The following DIDO1 variants were observed in gnomAD, a reference collection of about 807,000 sequenced individuals.
The protein encoded by DIDO1 is death-inducer obliterator 1.
Under a neutral mutation model 99.4 loss-of-function variants are expected in DIDO1, and 16 were observed. The observed-to-expected ratio is 0.16, with a 90% confidence interval of 0.11 to 0.24. The LOEUF (loss-of-function observed/expected upper bound fraction) is 0.24. Ranked by LOEUF, DIDO1 falls within the 10% of genes least tolerant of loss-of-function variation. The pLI, the probability that DIDO1 is intolerant of heterozygous loss-of-function variation, is 1.00. For synonymous variants in DIDO1, 1,366 were observed against 1,239.1 expected, an observed-to-expected ratio of 1.10 and a Z score of -2.15; for missense variants, 2,996 against 3,014.0, an observed-to-expected ratio of 0.99 and a Z score of 0.14.
At chr20:62,932,485 C>CT (rs1319947848) in intron 1 of DIDO1, among the ~76,000 whole-genome samples, 1 of 152,192 alleles carries the variant, frequency 6.6e-6, no homozygotes, top group Admixed American at 6.5e-5. Flanking sequence ...CAGTAACTGT[C>CT]TATCAAATCC....
rs2064578967 is a variant in DIDO1 at position 62,898,127 on chromosome 20, G to A, written c.1589-1131C>T. On this transcript the variant is annotated intron_variant, in intron 6 of 15. Coordinates refer to ENST00000395343, the MANE Select transcript of DIDO1 (RefSeq NM_001193369.2). Reference sequence around the variant, plus strand: ...CAAGAGCGCTTCAGTTCTACCCAGGGACTGAAAATCAAACCGCACTCCTCC... The same window carrying A: ...CAAGAGCGCTTCAGTTCTACCCAGGAACTGAAAATCAAACCGCACTCCTCC... 2.0e-5 allele frequency among the ~76,000 whole-genome samples: 3 copies of A among 152,184 alleles called. No individual in the cohort carries two copies. In the South Asian group the frequency reaches 6.2e-4, roughly 32 times the overall value.
Position 62,879,793 on chromosome 20 carries a change from G to T in DIDO1, c.6163C>A (p.Pro2055Thr). The change falls in exon 16 of 16, where the codon CCC becomes ACC. Residue 2055 changes from proline (P) to threonine (T), a missense_variant. Physicochemically the swap from Pro to Thr is conservative, Grantham distance 38. This residue lies in a region of DIDO1 where 1,562 missense variants were observed against 1,412.6 expected (regional missense o/e 1.11). Transcript: ENST00000395343. The surrounding 1 kb of genome is among the most constrained non-coding windows in gnomAD (Gnocchi z 6.3). ...GPPSALSSSA[P>T]GQGPEADGQW... is the part of the protein sequence containing the mutation. ...CCGTCGGCCTCGGGGCCCTGTCCGGGCGCACTGGAGGAGAGCGCGGAGGGC... is the reference window on the plus strand; with the variant it reads ...CCGTCGGCCTCGGGGCCCTGTCCGGTCGCACTGGAGGAGAGCGCGGAGGGC... 1.2e-6 allele frequency: 2 copies of T among 1,611,184 alleles called. No homozygotes were observed. Among genetic ancestry groups the T allele is most frequent in the Non-Finnish European group, 1.7e-6 (2 of 1,179,702 alleles).
chr20:62,919,914 C>G (rs143310540), intron 1 of DIDO1, among the ~76,000 whole-genome samples: 1 of 152,192 alleles, frequency 6.6e-6, no homozygotes, highest in Non-Finnish European at 1.5e-5. Flanking sequence ...AATCATTTAT[C>G]GAGGTGAAGG....
intron 15 of DIDO1, chr20:62,888,716 C>G (rs1157986143): frequency 1.0e-6 from 1 of 985,368 alleles, no homozygotes; most frequent in Admixed American, 6.1e-5. Context: ...CCAGGACACA[C>G]ATGTACATGT....
At chr20:62,888,465 G>A in intron 15 of DIDO1, 1 of 985,522 alleles carries the variant, frequency 1.0e-6, no homozygotes, top group Non-Finnish European at 1.2e-6. Context: ...GGGTCCTGCA[G>A]ACCCTCACCC....
At chr20:62,920,714 T>G (rs1390528877) in intron 1 of DIDO1, among the ~76,000 whole-genome samples, 1 of 152,192 alleles carries the variant, frequency 6.6e-6, no homozygotes, top group Non-Finnish European at 1.5e-5. Context: ...CCACTCTGAG[T>G]ATATGCTAGA....
At chr20:62,889,287 T>C (rs543830355) in intron 15 of DIDO1, 1 of 985,500 alleles carries the variant, frequency 1.0e-6, no homozygotes, top group Non-Finnish European at 1.2e-6. Flanking sequence ...GCCGCTCCTC[T>C]GGTGGCCTCC....
chr20:62,923,673 A>T (rs1601035450), intron 1 of DIDO1, among the ~76,000 whole-genome samples: 1 of 152,222 alleles, frequency 6.6e-6, no homozygotes, highest in Non-Finnish European at 1.5e-5. Flanking sequence ...CTATTTTTAC[A>T]TAATGTTTAA....
intron 6 of DIDO1, chr20:62,905,654 A>C: frequency 6.3e-7 from 1 of 1,579,664 alleles, no homozygotes; most frequent in South Asian, 1.1e-5. Flanking sequence ...AACGTTCACC[A>C]GTGAGGTTTA....
In DIDO1 at chr20:62,911,555, T is replaced by C; in HGVS notation, c.58A>G (p.Ser20Gly). The change falls in exon 3 of 16, where the codon AGC becomes GGC. Residue 20 changes from serine (S) to glycine (G), a missense_variant. Ser to Gly is a moderately conservative substitution (Grantham distance 56). This residue lies in a region of DIDO1 where 388 missense variants were observed against 376.6 expected (regional missense o/e 1.03). Coordinates refer to ENST00000395343, the MANE Select transcript of DIDO1 (RefSeq NM_001193369.2). This position sits in a 1 kb window ranked among gnomAD's most constrained non-coding sequence, Gnocchi z 7.0. ...CCCCATGTTTTCCTGAACTCTTTGCTGGTGGGTTTGATGGCCTTAGGTGCC... is the reference window on the plus strand; with the variant it reads ...CCCCATGTTTTCCTGAACTCTTTGCCGGTGGGTTTGATGGCCTTAGGTGCC... The part of the protein sequence containing the change: ...EEAPKAIKPT[S>G]KEFRKTWGFR... The C allele has an allele frequency of 6.2e-7, 1 of 1,610,916 alleles. No individual in the cohort carries two copies. Among genetic ancestry groups the C allele is most frequent in the Non-Finnish European group, 8.5e-7 (1 of 1,178,388 alleles).
In DIDO1 at chr20:62,896,898, G is replaced by A. The variant is rs748688216; in HGVS notation, c.1687C>T (p.Pro563Ser). The change falls in exon 7 of 16, where the codon CCT (proline) becomes TCT (serine). Residue 563 changes from proline to serine, a missense_variant. By Grantham distance (74) the Pro-to-Ser change is moderately conservative. Around this residue, in one of 5 missense-constraint regions of DIDO1, gnomAD observed 898 missense variants for 972.7 expected, o/e 0.92. Coordinates refer to ENST00000395343, the MANE Select transcript of DIDO1 (RefSeq NM_001193369.2). This position sits in a 1 kb window ranked among gnomAD's most constrained non-coding sequence, Gnocchi z 4.4. Reference sequence around the variant, plus strand: ...GACTTCTTTGGCACGAGGTTTCTAGGTGCAGGCTGCTTGCCCACCGCGGAG... The same window carrying A: ...GACTTCTTTGGCACGAGGTTTCTAGATGCAGGCTGCTTGCCCACCGCGGAG... Reference protein sequence around the residue: ...PGSAVGKQPAPRNLVPKKSSF... With the variant: ...PGSAVGKQPASRNLVPKKSSF... 6.8e-6 allele frequency: 11 copies of A among 1,614,024 alleles called. No homozygotes were observed. The South Asian group carries it at 1.1e-4, about 16-fold the overall frequency.
intron 6 of DIDO1, among the ~76,000 whole-genome samples, chr20:62,903,717 C>T (rs990823911): frequency 6.6e-6 from 1 of 152,164 alleles, no homozygotes; most frequent in African/African-American, 2.4e-5. Flanking sequence ...GTGTGTCGTC[C>T]CCATTCCCAT....
At chr20:62,887,047 C>T (rs1488365619) in intron 15 of DIDO1, among the ~76,000 whole-genome samples, 3 of 152,228 alleles carry the variant, frequency 2.0e-5, no homozygotes, top group Non-Finnish European at 4.4e-5. Flanking sequence ...CGAGAAGGGC[C>T]CCAGGGCAGC....
At position 62,896,390 on chromosome 20, in the gene DIDO1, A is replaced by G; in HGVS notation, c.2057T>C (p.Val686Ala). The G allele has an allele frequency of 6.2e-7, 1 of 1,611,276 alleles. No homozygotes were observed. Among genetic ancestry groups the G allele is most frequent in the South Asian group, 1.1e-5 (1 of 90,650 alleles). The stretch of plus-strand genomic sequence containing the variant: ...CATGATTAAGTCATCGCTGTCATTG[A>G]CTCTGAACAGAATAAAAAAAAGGAA... ...RSLKEILWKR[V>A]NDSDDLIMTE... Residue 686 changes from valine to alanine, a missense_variant and splice_region_variant, in exon 8 of 16, where the codon GTC (valine) becomes GCC (alanine). Val to Ala is a moderately conservative substitution (Grantham distance 64). Around this residue, in one of 5 missense-constraint regions of DIDO1, gnomAD observed 898 missense variants for 972.7 expected, o/e 0.92. Transcript: ENST00000395343. This position sits in a 1 kb window ranked among gnomAD's most constrained non-coding sequence, Gnocchi z 4.4.
At chr20:62,890,398 A>C (rs1217763183) in intron 15 of DIDO1, 7 of 988,878 alleles carry the variant, frequency 7.1e-6, no homozygotes, top group Non-Finnish European at 8.4e-6. Flanking sequence ...AATCGTTTAA[A>C]TACAGTACTT....
chr20:62,918,801 AG>A (rs2065083593), intron 1 of DIDO1, among the ~76,000 whole-genome samples: 1 of 150,316 alleles, frequency 6.7e-6, no homozygotes, highest in East Asian at 2.0e-4. Context: ...TTGCCTATTA[AG>A]GGTCTCCTGG....
chr20:62,917,984 TAGG>T (rs1242054124), intron 1 of DIDO1, among the ~76,000 whole-genome samples: 1 of 152,208 alleles, frequency 6.6e-6, no homozygotes, highest in Non-Finnish European at 1.5e-5. Flanking sequence ...TCTACCAGTT[TAGG>T]AGTACACTGG....
intron 15 of DIDO1, chr20:62,890,328 C>T (rs907390208): frequency 1.6e-5 from 16 of 986,166 alleles, no homozygotes; most frequent in Non-Finnish European, 1.6e-5. Context: ...TAACAGAGCA[C>T]GTGGCCCCTG....
At position 62,887,619 on chromosome 20, in the gene DIDO1, G is replaced by A. The variant is rs6062736; in HGVS notation, c.3541+3341C>T. ...AAGGCTCCGAGGCCTGCGGCTTCAC[G>A]CGGAAATGACGGGGGCTGGGCATGG... is the stretch of plus-strand genomic sequence containing the variant. On this transcript the variant is annotated intron_variant, in intron 15 of 15. Coordinates refer to ENST00000395343, the MANE Select transcript of DIDO1 (RefSeq NM_001193369.2). 7.2e-5 allele frequency: 71 copies of A among 985,436 alleles called. No individual in the cohort carries two copies. The African/African-American group carries it at 1.0e-3, about 14-fold the overall frequency. 61.0% of individuals were successfully genotyped at this position (985,436 alleles called of 1,614,324 possible). A position where few individuals can be genotyped will look rare whatever the true frequency, so the allele number is the denominator to read the frequency against.
Sources: gnomAD v4.1 joint callset for allele counts (sites outside exome capture counted in the v4.1 genomes callset) on GRCh38, gnomAD v4.1.1 for gene constraint, gnomAD v4.1.1 regional missense constraint, Gnocchi (gnomAD v3.1) non-coding constraint, MANE v1.5 for transcripts, NCBI Gene and HGNC (gene_info 2026-07-23, HGNC 2026-07-21) for gene names.